CATSPERD: variants seen among roughly 807,000 people sequenced by gnomAD.
CATSPERD encodes the protein catsper channel auxiliary subunit delta.
In CATSPERD, 86 loss-of-function variants were observed where a neutral mutation model predicts 98.1. The observed-to-expected ratio is 0.88, with a 90% CI of 0.74 to 1.05. The LOEUF is 1.05. CATSPERD is among the 50% of genes least tolerant of loss of function. The pLI is 0.00. For missense variants in CATSPERD, 995 were observed against 1,005.7 expected, an observed-to-expected ratio of 0.99 and a Z score of 0.14; for synonymous variants, 394 against 390.2, an observed-to-expected ratio of 1.01 and a Z score of -0.12.
intron 7 of CATSPERD, among the ~76,000 whole-genome samples, chr19:5,742,299 T>C (rs112881219): frequency 4.3e-5 from 5 of 116,372 alleles, no homozygotes; most frequent in African/African-American, 6.2e-5. Flanking sequence ...CGTGTGTACG[T>C]ATGTGAATGT....
chr19:5,730,993 GA>G (rs2055705150), intron 4 of CATSPERD, among the ~76,000 whole-genome samples: 1 of 151,302 alleles, frequency 6.6e-6, no homozygotes, highest in South Asian at 2.1e-4. Flanking sequence ...TCGGGAGGCT[GA>G]GGCAGGAGAA....
chr19:5,766,505 A>T (rs1821669600), intron 17 of CATSPERD, among the ~76,000 whole-genome samples: 1 of 151,466 alleles, frequency 6.6e-6, no homozygotes, highest in Non-Finnish European at 1.5e-5. Flanking sequence ...TGGAGTGAGG[A>T]GAGGGGAGGA....
intron 15 of CATSPERD, among the ~76,000 whole-genome samples, chr19:5,762,670 T>C (rs967814058): frequency 4.1e-5 from 6 of 147,048 alleles, no homozygotes; most frequent in African/African-American, 7.6e-5. Flanking sequence ...GATGAGTGAA[T>C]AGATGGATGG....
intron 4 of CATSPERD, among the ~76,000 whole-genome samples, chr19:5,732,148 AT>A (rs1599516463): frequency 6.7e-6 from 1 of 149,370 alleles, no homozygotes; most frequent in South Asian, 2.1e-4. Context: ...TAATTTTTGT[AT>A]TTTTTAGTAG....
intron 12 of CATSPERD, among the ~76,000 whole-genome samples, chr19:5,753,228 G>T (rs2056254471): frequency 6.6e-6 from 1 of 151,888 alleles, no homozygotes; most frequent in Non-Finnish European, 1.5e-5. Context: ...ACTGAGTGAT[G>T]ATCTTCAGAT....
intron 21 of CATSPERD, among the ~76,000 whole-genome samples, chr19:5,777,667 G>A (rs2056759991): frequency 6.6e-6 from 1 of 152,136 alleles, no homozygotes; most frequent in Admixed American, 6.6e-5. Context: ...TGGATCACTT[G>A]AAGTCAGGAG....
At chr19:5,748,283 G>T in intron 10 of CATSPERD, 28 bp downstream of exon 10, 1 of 1,592,222 alleles carries the variant, frequency 6.3e-7, no homozygotes, top group South Asian at 1.1e-5. Context: ...TGCTAGCCAA[G>T]AAATATTTAG....
chr19:5,724,952 G>A, intron 2 of CATSPERD, 90 bp downstream of exon 2: 1 of 1,165,868 alleles, frequency 8.6e-7, no homozygotes, highest in Non-Finnish European at 1.3e-6. Flanking sequence ...GGGTGCCCGT[G>A]TTGTCAAGCA....
Position 5,748,245 on chromosome 19 carries a change from C to G in CATSPERD, c.894C>G (p.Asn298Lys), listed in dbSNP as rs368431820. The stretch of plus-strand genomic sequence containing the variant: ...TTGAAGCCAAGATCACCATCCACAA[C>G]ATTGCTGTCAGTGCGTAGCCGACCC... ...SIFEAKITIHNIAVTENELAV... is the reference protein window; with the variant it reads ...SIFEAKITIHKIAVTENELAV... The change falls in exon 10 of 22, where the codon AAC becomes AAG. Residue 298 changes from asparagine to lysine, a missense_variant. Physicochemically the swap from Asn to Lys is moderately conservative, Grantham distance 94. Transcript: ENST00000381624. 7.4e-6 allele frequency: 12 copies of G among 1,613,882 alleles called. No homozygotes were observed. Among genetic ancestry groups the G allele is most frequent in the Non-Finnish European group, 1.0e-5 (12 of 1,179,782 alleles).
At chr19:5,742,866 A>G (rs565074730) in intron 7 of CATSPERD, among the ~76,000 whole-genome samples, 1 of 152,306 alleles carries the variant, frequency 6.6e-6, no homozygotes, top group African/African-American at 2.4e-5. Flanking sequence ...GATGGATCCC[A>G]TAATTGCCTA....
chr19:5,736,417 G>A (rs1317867351), intron 5 of CATSPERD, among the ~76,000 whole-genome samples: 1 of 152,140 alleles, frequency 6.6e-6, no homozygotes, highest in East Asian at 1.9e-4. Context: ...GAGAAACCCT[G>A]TTCTGAACTT....
rs1347786034 is a variant in CATSPERD at position 5,778,616 on chromosome 19, G to A, written c.2337G>A (p.Arg779=). The change falls in exon 22 of 22, where the codon AGG becomes AGA. Residue 779 remains arginine, a synonymous_variant. Transcript: ENST00000381624. ...VCQFRASATA[R]AGTEPPGRHR... is the part of the protein sequence containing the mutation. The stretch of plus-strand genomic sequence containing the variant: ...AGTTCAGGGCCTCAGCCACAGCCAG[G>A]GCAGGCACAGAGCCCCCGGGACGCC... 1.2e-6 allele frequency: 2 copies of A among 1,613,582 alleles called. No individual in the cohort carries two copies. The highest frequency in any genetic ancestry group is 2.2e-5 in the East Asian group (1 of 44,886).
At chr19:5,767,758 G>A (rs1448656112) in intron 17 of CATSPERD, among the ~76,000 whole-genome samples, 2 of 139,576 alleles carry the variant, frequency 1.4e-5, no homozygotes, top group Non-Finnish European at 3.1e-5. Flanking sequence ...CGCCTGGCCT[G>A]CCCTCCCTTT....
At chr19:5,767,511 G>A (rs2056563216) in intron 17 of CATSPERD, among the ~76,000 whole-genome samples, 2 of 149,934 alleles carry the variant, frequency 1.3e-5, no homozygotes, top group African/African-American at 4.9e-5. Flanking sequence ...TTATTGAGAC[G>A]GAGTCTTGCT....
Position 5,746,069 on chromosome 19 carries a change from C to T in CATSPERD, c.808+6C>T. On this transcript the variant is annotated splice_donor_region_variant and intron_variant, in intron 9 of 21. Coordinates refer to ENST00000381624, the MANE Select transcript of CATSPERD (RefSeq NM_152784.4). ...GTTGTTTTCCCATAATGCAGGTGAG[C>T]CCAGGGGCCCAGGGTGGGGCTGCCG... 6.2e-7 allele frequency: 1 copy of T among 1,612,742 alleles called. No homozygotes were observed. Among genetic ancestry groups the T allele is most frequent in the Non-Finnish European group, 8.5e-7 (1 of 1,179,856 alleles).
At position 5,737,867 on chromosome 19, in the gene CATSPERD, A is replaced by T. The variant is rs1004465689; in HGVS notation, c.459+662A>T. 2.6e-5 allele frequency among the ~76,000 whole-genome samples: 4 copies of T among 151,952 alleles called. No homozygotes were observed. In the East Asian group the frequency reaches 5.8e-4, roughly 22 times the overall value. Reference sequence around the variant, plus strand: ...CTCCATCTCAAAAAAAAAAAAAAGAAAAAAGATAAAGAAATAAGGACAGTG... The same window carrying T: ...CTCCATCTCAAAAAAAAAAAAAAGATAAAAGATAAAGAAATAAGGACAGTG... On this transcript the variant is annotated intron_variant, in intron 6 of 21. Transcript: ENST00000381624.
chr19:5,754,115 T>G lies in CATSPERD; in HGVS notation c.1165-17T>G, dbSNP rs1400006546. ...AACAGGAGCATGATTATCTTTCTTC[T>G]TCGCCTTTTTAACTAGATAGAGTTT... On this transcript the variant is annotated splice_polypyrimidine_tract_variant and intron_variant, in intron 12 of 21. Coordinates refer to ENST00000381624, the MANE Select transcript of CATSPERD (RefSeq NM_152784.4). The G allele has an allele frequency of 6.6e-7, 1 of 1,522,442 alleles. No individual in the cohort carries two copies. Among genetic ancestry groups the G allele is most frequent in the Non-Finnish European group, 9.1e-7 (1 of 1,096,428 alleles). The allele number at this position is 1,522,442 out of a possible 1,614,324, so 94.3% of individuals were successfully genotyped here.
At chr19:5,750,245 G>A (rs1296833995) in intron 11 of CATSPERD, among the ~76,000 whole-genome samples, 4 of 149,796 alleles carry the variant, frequency 2.7e-5, no homozygotes, top group Non-Finnish European at 5.9e-5. Context: ...TCAGGAGATC[G>A]TGACCATCCT....
At chr19:5,730,313 G>A (rs1371218590) in intron 4 of CATSPERD, among the ~76,000 whole-genome samples, 1 of 152,012 alleles carries the variant, frequency 6.6e-6, no homozygotes, top group African/African-American at 2.4e-5. Flanking sequence ...GGGAGGCTGA[G>A]GCGGGCAGAT....
Sources: allele counts gnomAD v4.1 joint callset (sites outside exome capture counted in the v4.1 genomes callset), GRCh38; gene constraint gnomAD v4.1.1; transcripts MANE v1.5; gene names NCBI Gene and HGNC (gene_info 2026-07-23, HGNC 2026-07-21).